Variants in NUP205 observed in about 807,000 individuals in gnomAD.
NUP205 encodes nucleoporin 205, also known as nuclear pore complex protein Nup205.
Under a neutral mutation model 253.8 loss-of-function variants are expected in NUP205, and 76 were observed. The observed-to-expected ratio is 0.30, with a 90% CI of 0.25 to 0.36. NUP205 has a LOEUF of 0.36. NUP205 is among the 10% of genes least tolerant of loss of function. The pLI, the probability that NUP205 is intolerant of heterozygous loss-of-function variation, is 1.00. For missense variants in NUP205, 2,162 were observed against 2,425.5 expected (o/e 0.89, Z 2.28); for synonymous variants, 832 against 850.1 (o/e 0.98, Z 0.37).
intron 14 of NUP205, 121 bp downstream of exon 14, chr7:135,597,539 A>G: frequency 3.2e-6 from 2 of 626,234 alleles, no homozygotes; most frequent in South Asian, 5.1e-5. Flanking sequence ...TTTTTATTTG[A>G]AGGGTTTTCT....
At chr7:135,620,110 C>A (rs1315903397) in intron 30 of NUP205, among the ~76,000 whole-genome samples, 1 of 152,194 alleles carries the variant, frequency 6.6e-6, no homozygotes, top group Non-Finnish European at 1.5e-5. Context: ...TCAAATAATA[C>A]TTTAGCTTTA....
At chr7:135,589,427 T>C (rs1279373576) in intron 10 of NUP205, among the ~76,000 whole-genome samples, 3 of 150,898 alleles carry the variant, frequency 2.0e-5, no homozygotes, top group Non-Finnish European at 3.0e-5. Flanking sequence ...TAACTGGGGT[T>C]ATAGACATGC....
chr7:135,582,818 T>G (rs1806344461), intron 7 of NUP205, among the ~76,000 whole-genome samples: 1 of 148,698 alleles, frequency 6.7e-6, no homozygotes, highest in South Asian at 2.3e-4. Context: ...AGGCCAGGCA[T>G]GGCGACTCAT....
rs554341680 is a variant in NUP205 at position 135,636,318 on chromosome 7, G to A, written c.5136+661G>A. Among the ~76,000 whole-genome samples, 12 of 151,778 alleles carry A rather than the reference G, an allele frequency of 7.9e-5. No individual in the cohort carries two copies. The South Asian group carries it at 2.5e-3, about 32-fold the overall frequency. ...TTCTTAACTAGTCCTTTTTTCATGC[G>A]CTGTTTTTCAAGATTTCATAAGAAA... On this transcript the variant is annotated intron_variant, in intron 36 of 42. Coordinates refer to ENST00000285968, the MANE Select transcript of NUP205 (RefSeq NM_015135.3).
Position 135,619,892 on chromosome 7 carries a change from G to A in NUP205, c.4330+4G>A, listed in dbSNP as rs1794439144. 1.3e-6 allele frequency: 2 copies of A among 1,560,578 alleles called. No individual in the cohort carries two copies. Among genetic ancestry groups the A allele is most frequent in the Admixed American group, 1.7e-5 (1 of 57,244 alleles). ...GAACCAGACACCTTAGAAGCAGGTA[G>A]AATGAGATCAATTCCTAATCTTTTC... is the stretch of plus-strand genomic sequence containing the variant. On this transcript the variant is annotated splice_donor_region_variant and intron_variant, in intron 30 of 42. Coordinates refer to ENST00000285968, the MANE Select transcript of NUP205 (RefSeq NM_015135.3).
At chr7:135,591,720 C>A in intron 11 of NUP205, 120 bp downstream of exon 11, 2 of 829,414 alleles carry the variant, frequency 2.4e-6, no homozygotes, top group Non-Finnish European at 3.7e-6. Flanking sequence ...AAATTATTTT[C>A]ATAACAATAG....
chr7:135,578,939 G>T (rs775863012), intron 7 of NUP205, 24 bp downstream of exon 7: 18 of 1,559,498 alleles, frequency 1.2e-5, no homozygotes, highest in Non-Finnish European at 1.5e-5. Flanking sequence ...AGGTAATTTT[G>T]TTATGAGAAA....
intron 42 of NUP205, among the ~76,000 whole-genome samples, chr7:135,647,533 T>C (rs1450193583): frequency 1.3e-5 from 2 of 152,230 alleles, no homozygotes; most frequent in African/African-American, 4.8e-5. Flanking sequence ...GTTTGTTTTG[T>C]CTGAGAGACA....
chr7:135,583,694 G>A (rs903927909), intron 7 of NUP205, among the ~76,000 whole-genome samples: 11 of 152,014 alleles, frequency 7.2e-5, no homozygotes, highest in African/African-American at 2.7e-4. Context: ...GGGAGGGAGA[G>A]GTTGCAGTGA....
At chr7:135,603,925 G>A (rs1261042761) in intron 18 of NUP205, among the ~76,000 whole-genome samples, 1 of 152,176 alleles carries the variant, frequency 6.6e-6, no homozygotes. Flanking sequence ...GCTTTCTGGT[G>A]GTTTGATGTT....
chr7:135,607,422 G>C, intron 22 of NUP205, 51 bp downstream of exon 22: 1 of 1,594,518 alleles, frequency 6.3e-7, no homozygotes, highest in South Asian at 1.1e-5. Context: ...ACTTGACCAG[G>C]TGCATGAGTA....
Position 135,580,012 on chromosome 7 carries a change from A to G in NUP205, c.1042+1097A>G, listed in dbSNP as rs562174581. Among the ~76,000 whole-genome samples, 6 of 152,294 alleles carry G rather than the reference A, an allele frequency of 3.9e-5. No homozygotes were observed. The South Asian group carries it at 6.2e-4, about 16-fold the overall frequency. On this transcript the variant is annotated intron_variant, in intron 7 of 42. Transcript: ENST00000285968. ...ATATTATTCTGCTATTTACATTTAC[A>G]TTATTTAATTGTCATATTAGTAGGG...
In NUP205 at chr7:135,568,535, T is replaced by C. The variant is rs567929017; in HGVS notation, c.29-2570T>C. On this transcript the variant is annotated intron_variant, in intron 1 of 42. Coordinates refer to ENST00000285968, the MANE Select transcript of NUP205 (RefSeq NM_015135.3). ...TTTTAGTAGAGACAGGTTTTTACCA[T>C]GTTGGCCAGGCTGGTCTCGAACTCC... Among the ~76,000 whole-genome samples, 6 of 152,090 alleles carry C rather than the reference T, an allele frequency of 3.9e-5. No homozygotes were observed. In the East Asian group the frequency reaches 5.8e-4, roughly 15 times the overall value.
rs996053359 is a variant in NUP205 at position 135,571,048 on chromosome 7, A to T, written c.29-57A>T. On this transcript the variant is annotated intron_variant, in intron 1 of 42. Transcript: ENST00000285968. The stretch of plus-strand genomic sequence containing the variant: ...TAAAATGTGTGGATGGTAACCTCAC[A>T]TTATTTTTCAAGTGTATGTTTTCTT... The T allele has an allele frequency of 4.7e-5, 67 of 1,425,220 alleles. No homozygotes were observed. The East Asian group carries it at 1.7e-3, about 36-fold the overall frequency. 88.3% of individuals were successfully genotyped at this position (1,425,220 alleles called of 1,614,324 possible). A position where few individuals can be genotyped will look rare whatever the true frequency, so the allele number is the denominator to read the frequency against.
rs138289307 is a variant in NUP205, at chr7:135,577,945, A to C, written c.798A>C (p.Ala266=). The part of the protein sequence containing the change: ...VTVEANGSLD[A]VNLALLMALL... ...TTGAGGCTAATGGCTCACTGGATGC[A>C]GTGAATCTGGCTCTTCTTATGGCGC... The change falls in exon 6 of 43, where the codon GCA becomes GCC. Residue 266 remains alanine (A), a synonymous_variant. Transcript: ENST00000285968. 1 of 1,614,104 alleles carries C rather than the reference A, an allele frequency of 6.2e-7. No homozygotes were observed. The highest frequency in any genetic ancestry group is 2.2e-5 in the East Asian group (1 of 44,874).
chr7:135,611,787 T>C (rs1317348591), intron 22 of NUP205, among the ~76,000 whole-genome samples: 3 of 152,052 alleles, frequency 2.0e-5, no homozygotes, highest in Non-Finnish European at 4.4e-5. Context: ...TGTAAATAAA[T>C]AAATTACCTT....
intron 25 of NUP205, 84 bp from the exon 26 acceptor site, chr7:135,617,004 CTG>C: frequency 1.0e-6 from 1 of 988,724 alleles, no homozygotes; most frequent in Admixed American, 2.9e-5. Context: ...GAAAATAGCA[CTG>C]TCTTTGAAAA....
At chr7:135,588,165 A>G (rs1347705389) in intron 10 of NUP205, among the ~76,000 whole-genome samples, 173 bp downstream of exon 10, 1 of 152,074 alleles carries the variant, frequency 6.6e-6, no homozygotes, top group Non-Finnish European at 1.5e-5. Flanking sequence ...TGTTGAGACA[A>G]AGTCTCACTC....
chr7:135,571,348 T>A, intron 2 of NUP205, 101 bp downstream of exon 2: 1 of 826,766 alleles, frequency 1.2e-6, no homozygotes, highest in African/African-American at 1.8e-5. Context: ...CAAATTTTTT[T>A]CAGAAATTTA....
Sources: allele counts gnomAD v4.1 joint callset (sites outside exome capture counted in the v4.1 genomes callset), GRCh38; gene constraint gnomAD v4.1.1; transcripts MANE v1.5; gene names NCBI Gene and HGNC (gene_info 2026-07-23, HGNC 2026-07-21).